Variants in CLPTM1L observed in about 807,000 individuals in gnomAD.
CLPTM1L encodes lipid scramblase CLPTM1L.
A neutral mutation model predicts 70.9 loss-of-function variants in CLPTM1L; 38 were observed. The ratio of observed to expected loss-of-function variants is 0.54; its 90% CI spans 0.41 to 0.70. CLPTM1L has a LOEUF of 0.70. Among genes scored for constraint, CLPTM1L ranks in the 30% least tolerant of loss-of-function variants. The probability of loss-of-function intolerance (pLI) is 0.00; values close to 1 mark genes in which losing one functional copy is unlikely to be tolerated. For missense variants in CLPTM1L, 652 were observed against 705.9 expected (o/e 0.92, Z 0.87); for synonymous variants, 339 against 299.9 (o/e 1.13, Z -1.35).
rs1468645221 is a variant in CLPTM1L at position 1,341,739 on chromosome 5, G to A, written c.385C>T (p.Pro129Ser). 6.2e-7 allele frequency: 1 copy of A among 1,613,850 alleles called. No individual in the cohort carries two copies. The highest frequency in any genetic ancestry group is 1.1e-5 in the South Asian group (1 of 91,074). Reference protein sequence around the residue: ...HDGKQVHLVSPLTTYMVPKPE... With the variant: ...HDGKQVHLVSSLTTYMVPKPE... ...TTGGGGACCATGTAGGTGGTCAGAG[G>A]ACTGACCAGGTGCACCTGCTTCCCG... The change falls in exon 3 of 17, where the codon CCT becomes TCT. Residue 129 changes from proline (P) to serine (S), a missense_variant. Coordinates refer to ENST00000320895, the MANE Select transcript of CLPTM1L (RefSeq NM_030782.5).
At chr5:1,341,216 T>C (rs1264159200) in intron 3 of CLPTM1L, among the ~76,000 whole-genome samples, 1 of 152,248 alleles carries the variant, frequency 6.6e-6, no homozygotes, top group African/African-American at 2.4e-5. Context: ...AACTACAACT[T>C]GTACCTCTAC....
At position 1,338,920 on chromosome 5, in the gene CLPTM1L, G is replaced by A. The variant is rs879806044; in HGVS notation, c.539C>T (p.Ala180Val). Residue 180 changes from alanine (A) to valine (V), a missense_variant, in exon 4 of 17, where the codon GCG becomes GTG. Ala to Val is a moderately conservative substitution (Grantham distance 64, BLOSUM62 0). This residue lies in a region of CLPTM1L where 402 missense variants were observed against 388.2 expected (regional missense o/e 1.04). Coordinates refer to ENST00000320895, the MANE Select transcript of CLPTM1L (RefSeq NM_030782.5). ...WRPRLALNVMADNFVFDGSSL... is the reference protein window; with the variant it reads ...WRPRLALNVMVDNFVFDGSSL... ...GGACCCGTCAAAGACAAAGTTGTCC[G>A]CCATCACGTTCAGCGCCAGCCGCGG... 2.5e-5 allele frequency: 40 copies of A among 1,613,336 alleles called. No individual in the cohort carries two copies. Among genetic ancestry groups the A allele is most frequent in the Non-Finnish European group, 3.3e-5 (39 of 1,180,048 alleles).
rs557883654 is a variant in CLPTM1L at position 1,325,041 on chromosome 5, C to T, written c.1147-228G>A. ...TCCCACAAGCCTGATGGGGGCAACGCGGCCTCACTGCTGTTCCTTGCTCAG... is the reference window on the plus strand; with the variant it reads ...TCCCACAAGCCTGATGGGGGCAACGTGGCCTCACTGCTGTTCCTTGCTCAG... On this transcript the variant is annotated intron_variant, in intron 10 of 16. Transcript: ENST00000320895. 70 of 594,984 alleles carry T rather than the reference C, an allele frequency of 1.2e-4. 1 individual carries two copies. In the East Asian group the frequency reaches 1.2e-3, roughly 10 times the overall value. 36.9% of individuals were successfully genotyped at this position (594,984 alleles called of 1,614,324 possible).
chr5:1,323,775 G>A lies in CLPTM1L; in HGVS notation c.1280+12C>T, dbSNP rs1237857818. ...GAAAGACGCAGCAGGGGAAGCGTGT[G>A]CGGCCTCCTACCTCTTATATTTGAT... On this transcript the variant is annotated intron_variant, in intron 12 of 16. Transcript: ENST00000320895. The A allele has an allele frequency of 6.2e-7, 1 of 1,605,644 alleles. No individual in the cohort carries two copies. Among genetic ancestry groups the A allele is most frequent in the Non-Finnish European group, 8.5e-7 (1 of 1,172,602 alleles).
intron 6 of CLPTM1L, among the ~76,000 whole-genome samples, chr5:1,334,730 G>A (rs1230721668): frequency 5.3e-5 from 8 of 151,840 alleles, no homozygotes; most frequent in Non-Finnish European, 7.4e-5. Context: ...CTCCAGCCTG[G>A]GCAACAGAGC....
chr5:1,338,755 C>G, intron 4 of CLPTM1L, 105 bp downstream of exon 4: 1 of 1,389,506 alleles, frequency 7.2e-7, no homozygotes, highest in South Asian at 1.3e-5. Flanking sequence ...AAGTGCCTCC[C>G]CACAGAGGGG....
intron 12 of CLPTM1L, 125 bp from the exon 13 acceptor site, chr5:1,323,036 G>A (rs1374629128): frequency 4.1e-5 from 39 of 943,018 alleles, no homozygotes; most frequent in African/African-American, 6.5e-5. Context: ...ACGGCAGCTC[G>A]GCAGCCAAGA....
Position 1,342,054 on chromosome 5 carries a change from G to A in CLPTM1L, c.264-194C>T, listed in dbSNP as rs1202315382. On this transcript the variant is annotated intron_variant, in intron 2 of 16. Coordinates refer to ENST00000320895, the MANE Select transcript of CLPTM1L (RefSeq NM_030782.5). The surrounding 1 kb of genome is among the most constrained non-coding windows in gnomAD (Gnocchi z 4.3). ...TGTGTGTGTGTGCACGCGCACGCGT[G>A]CGCGTCCTGAGAACTCGGCACAGGT... Among the ~76,000 whole-genome samples the A allele has an allele frequency of 6.7e-6, 1 of 149,582 alleles. No homozygotes were observed. Among genetic ancestry groups the A allele is most frequent in the African/African-American group, 2.4e-5 (1 of 40,878 alleles).
At chr5:1,340,418 T>C (rs1392302319) in intron 3 of CLPTM1L, among the ~76,000 whole-genome samples, 1 of 152,192 alleles carries the variant, frequency 6.6e-6, no homozygotes, top group Non-Finnish European at 1.5e-5. Context: ...TGATACATCC[T>C]AGGAAGCACT....
chr5:1,330,591 C>T, intron 8 of CLPTM1L: 1 of 560,230 alleles, frequency 1.8e-6, no homozygotes, highest in Non-Finnish European at 3.2e-6. Flanking sequence ...AACTGAACAG[C>T]TGGCCCCACA....
At chr5:1,331,502 T>C (rs989658397) in intron 8 of CLPTM1L, 2 of 501,116 alleles carry the variant, frequency 4.0e-6, no homozygotes, top group Admixed American at 3.2e-5. Context: ...GAGAGGTCCA[T>C]GCATCTCACT....
intron 9 of CLPTM1L, among the ~76,000 whole-genome samples, chr5:1,328,216 T>C (rs62329698): frequency 0.8 from 11,151 of 13,890 alleles, 4,209 homozygotes; most frequent in Middle Eastern, 0.91. Flanking sequence ...CAGACACATT[T>C]CATCCAGCTC....
At chr5:1,334,871 A>G (rs1047154251) in intron 6 of CLPTM1L, among the ~76,000 whole-genome samples, 186 bp downstream of exon 6, 2 of 152,252 alleles carry the variant, frequency 1.3e-5, no homozygotes, top group Non-Finnish European at 2.9e-5. Flanking sequence ...GCCAATTTCC[A>G]GACAATCAAC....
intron 3 of CLPTM1L, 124 bp downstream of exon 3, chr5:1,341,547 G>A: frequency 1.4e-6 from 1 of 732,388 alleles, no homozygotes; most frequent in East Asian, 2.6e-5. Context: ...CATTCCAATG[G>A]CTTTTGGCTT....
intron 8 of CLPTM1L, chr5:1,331,145 CA>C (rs1273301988): frequency 6.5e-6 from 1 of 153,806 alleles, no homozygotes. Flanking sequence ...CCCACTGTGA[CA>C]ACCTCCACCC....
intron 3 of CLPTM1L, 89 bp from the exon 4 acceptor site, chr5:1,339,094 G>A (rs558143491): frequency 1.7e-5 from 25 of 1,452,848 alleles, no homozygotes; most frequent in South Asian, 5.2e-5. Context: ...CGAACAGAAC[G>A]GCCACACAGA....
At chr5:1,338,267 G>A (rs770076765) in intron 4 of CLPTM1L, 7 of 501,358 alleles carry the variant, frequency 1.4e-5, no homozygotes, top group Non-Finnish European at 2.5e-5. Context: ...CGGCCGTACA[G>A]CAGAACCCAG....
At chr5:1,338,815 C>T in intron 4 of CLPTM1L, 45 bp downstream of exon 4, 1 of 1,609,014 alleles carries the variant, frequency 6.2e-7, no homozygotes, top group Non-Finnish European at 8.5e-7. Flanking sequence ...CAGCCAGGGT[C>T]CCAGCACCCT....
intron 7 of CLPTM1L, among the ~76,000 whole-genome samples, chr5:1,333,801 G>T (rs1380494554): frequency 7.1e-6 from 1 of 140,578 alleles, no homozygotes; most frequent in Non-Finnish European, 1.6e-5. Context: ...TATACACATC[G>T]GGTAAGGGGG....
Sources: gnomAD v4.1 joint callset for allele counts (sites outside exome capture counted in the v4.1 genomes callset) on GRCh38, gnomAD v4.1.1 for gene constraint, gnomAD v4.1.1 regional missense constraint, Gnocchi (gnomAD v3.1) non-coding constraint, MANE v1.5 for transcripts, NCBI Gene and HGNC (gene_info 2026-07-23, HGNC 2026-07-21) for gene names.